The following CEP135 variants were observed in gnomAD, a reference collection of about 807,000 sequenced individuals.
CEP135 encodes the protein centrosomal protein 135, also known as centrosomal protein of 135 kDa.
Under a neutral mutation model 157.3 loss-of-function variants are expected in CEP135, and 142 were observed. That is an observed-to-expected ratio of 0.90 (90% CI 0.79 to 1.04). CEP135 has a LOEUF of 1.04. Ranked by LOEUF, CEP135 falls within the 50% of genes least tolerant of loss-of-function variation. CEP135 has a pLI of 0.00. For synonymous variants in CEP135, 396 were observed against 439.8 expected, an observed-to-expected ratio of 0.90 and a Z score of 1.25; for missense variants, 1,317 against 1,309.2, an observed-to-expected ratio of 1.01 and a Z score of -0.09.
At chr4:56,030,800 A>G (rs1199848049) in intron 25 of CEP135, among the ~76,000 whole-genome samples, 1 of 152,142 alleles carries the variant, frequency 6.6e-6, no homozygotes, top group Non-Finnish European at 1.5e-5. Context: ...CACTGAGGAA[A>G]CATAAAATAC....
At chr4:55,957,598 A>AG (rs1413519759) in intron 5 of CEP135, among the ~76,000 whole-genome samples, 2 of 152,244 alleles carry the variant, frequency 1.3e-5, no homozygotes, top group African/African-American at 4.8e-5. Flanking sequence ...TGGCTTAAAA[A>AG]TTATTGCCAT....
intron 3 of CEP135, among the ~76,000 whole-genome samples, chr4:55,953,555 A>G (rs1577861712): frequency 6.6e-6 from 1 of 152,154 alleles, no homozygotes; most frequent in Non-Finnish European, 1.5e-5. Context: ...AGCCCCTGAA[A>G]TACTATAGGG....
chr4:55,962,673 C>G (rs1728718617), intron 6 of CEP135, among the ~76,000 whole-genome samples: 1 of 113,538 alleles, frequency 8.8e-6, no homozygotes, highest in South Asian at 2.6e-4. Context: ...TTGATAATTG[C>G]TCTTTGAAAC....
intron 4 of CEP135, among the ~76,000 whole-genome samples, chr4:55,955,352 A>C (rs1438868722): frequency 6.6e-6 from 1 of 152,224 alleles, no homozygotes; most frequent in Non-Finnish European, 1.5e-5. Context: ...ACTAGAAGCC[A>C]GCAGAGTTCT....
At chr4:55,978,810 A>G (rs1411285489) in intron 11 of CEP135, among the ~76,000 whole-genome samples, 1 of 152,204 alleles carries the variant, frequency 6.6e-6, no homozygotes. Context: ...TTGGCCTCCC[A>G]GAGTGCTAGG....
intron 21 of CEP135, among the ~76,000 whole-genome samples, chr4:56,016,359 CTA>C (rs1426514335): frequency 5.3e-5 from 8 of 152,132 alleles, no homozygotes; most frequent in African/African-American, 1.9e-4. Context: ...AACTAATACA[CTA>C]TCTCTAAAAG....
chr4:55,991,168 G>A (rs750599432), intron 14 of CEP135, among the ~76,000 whole-genome samples: 6 of 151,896 alleles, frequency 4.0e-5, no homozygotes, highest in Non-Finnish European at 7.4e-5. Context: ...CGTAGGGATG[G>A]GGTTTCACCG....
intron 7 of CEP135, 28 bp from the exon 8 acceptor site, chr4:55,965,616 T>G (rs1342851635): frequency 1.3e-6 from 2 of 1,500,156 alleles, no homozygotes; most frequent in African/African-American, 1.4e-5. Context: ...CCAATTCATA[T>G]ACCTCATAAA....
intron 4 of CEP135, among the ~76,000 whole-genome samples, chr4:55,954,989 G>A (rs1429935345): frequency 6.6e-6 from 1 of 152,140 alleles, no homozygotes; most frequent in Non-Finnish European, 1.5e-5. Context: ...GCTGAGGTGG[G>A]AGGATTGCTT....
intron 13 of CEP135, among the ~76,000 whole-genome samples, chr4:55,984,359 TC>T (rs1315690847): frequency 6.6e-6 from 1 of 152,216 alleles, no homozygotes; most frequent in African/African-American, 2.4e-5. Context: ...AAACATCATG[TC>T]TTTTGATGGG....
chr4:55,959,351 T>G, intron 5 of CEP135, among the ~76,000 whole-genome samples: 1 of 152,208 alleles, frequency 6.6e-6, no homozygotes, highest in Non-Finnish European at 1.5e-5. Flanking sequence ...GTCTGTGAAT[T>G]GTGGAGTAAA....
chr4:56,016,324 G>T (rs138909130), intron 21 of CEP135, among the ~76,000 whole-genome samples: 2 of 152,248 alleles, frequency 1.3e-5, no homozygotes, highest in African/African-American at 4.8e-5. Flanking sequence ...CTAATTTGTG[G>T]TAGTTGGTTA....
intron 25 of CEP135, among the ~76,000 whole-genome samples, chr4:56,027,146 C>T (rs768219335): frequency 2.6e-5 from 4 of 151,816 alleles, no homozygotes; most frequent in Admixed American, 2.0e-4. Flanking sequence ...TCACTGTGTC[C>T]TTCTTGAATT....
At chr4:55,965,480 T>C in intron 7 of CEP135, 164 bp from the exon 8 acceptor site, 2 of 550,228 alleles carry the variant, frequency 3.6e-6, no homozygotes, top group Non-Finnish European at 6.4e-6. Context: ...ACACTGCACA[T>C]GGTCAGTTTT....
chr4:55,954,099 C>A, intron 3 of CEP135, 117 bp from the exon 4 acceptor site: 1 of 799,758 alleles, frequency 1.3e-6, no homozygotes, highest in Non-Finnish European at 1.9e-6. Context: ...CTAAAGCATG[C>A]ATAAGAAGCA....
chr4:55,967,381 C>T (rs180693608), intron 8 of CEP135, among the ~76,000 whole-genome samples: 8 of 152,266 alleles, frequency 5.3e-5, no homozygotes, highest in Non-Finnish European at 5.9e-5. Flanking sequence ...CCAGCCCCAA[C>T]ATTTCAGATT....
rs1730949888 is a variant in CEP135 at position 56,020,790 on chromosome 4, A to AT, written c.3320+18dup. The AT allele has an allele frequency of 8.1e-6, 13 of 1,596,652 alleles. No homozygotes were observed. The highest frequency in any genetic ancestry group is 4.5e-5 in the South Asian group (4 of 89,152). ...CTGAAAGATACGAACGGTAAGACAAATTTTTTTTACATTTGACAATGTTTT... is the reference window on the plus strand; with the variant it reads ...CTGAAAGATACGAACGGTAAGACAAATTTTTTTTTACATTTGACAATGTTTT... On this transcript the variant is annotated intron_variant, in intron 24 of 25. Coordinates refer to ENST00000257287, the MANE Select transcript of CEP135 (RefSeq NM_025009.5).
chr4:55,949,095 G>C (rs2109633089), intron 1 of CEP135, 36 bp downstream of exon 1: 1 of 153,050 alleles, frequency 6.5e-6, no homozygotes, highest in Admixed American at 6.5e-5. Context: ...GGCCAGCTGC[G>C]GCGGTGGTGG....
intron 1 of CEP135, 65 bp from the exon 2 acceptor site, chr4:55,952,021 C>T (rs112367504): frequency 1.1e-4 from 59 of 529,932 alleles, no homozygotes; most frequent in African/African-American, 1.1e-3. Flanking sequence ...ATAATTTTTT[C>T]TTCTTATTGT....
Sources: gnomAD v4.1 joint callset for allele counts (sites outside exome capture counted in the v4.1 genomes callset) on GRCh38, gnomAD v4.1.1 for gene constraint, MANE v1.5 for transcripts, NCBI Gene and HGNC (gene_info 2026-07-23, HGNC 2026-07-21) for gene names.